PLCB1: variants seen among roughly 807,000 people sequenced by gnomAD.
PLCB1 encodes 1-phosphatidylinositol 4,5-bisphosphate phosphodiesterase beta-1.
Under a neutral mutation model 161.8 loss-of-function variants are expected in PLCB1, and 46 were observed. The ratio of observed to expected loss-of-function variants is 0.28; its 90% CI spans 0.22 to 0.36. PLCB1 has a LOEUF of 0.36. Ranked by LOEUF, PLCB1 falls within the 10% of genes least tolerant of loss-of-function variation. The pLI is 1.00. For synonymous variants in PLCB1, 517 were observed against 503.7 expected, an observed-to-expected ratio of 1.03 and a Z score of -0.35; for missense variants, 1,016 against 1,472.5, an observed-to-expected ratio of 0.69 and a Z score of 5.07.
At chr20:8,404,303 T>C (rs1481734877) in intron 3 of PLCB1, among the ~76,000 whole-genome samples, 1 of 152,202 alleles carries the variant, frequency 6.6e-6, no homozygotes, top group African/African-American at 2.4e-5. Flanking sequence ...AGTTTCCTAT[T>C]GTGTAGAAAA....
At chr20:8,357,920 G>GTAA (rs3031933) in intron 2 of PLCB1, among the ~76,000 whole-genome samples, 32,896 of 152,008 alleles carry the variant, frequency 0.22, 3,890 homozygotes, top group South Asian at 0.43. Context: ...CCTTGACAAG[G>GTAA]TAAAGTTCAT....
intron 2 of PLCB1, among the ~76,000 whole-genome samples, chr20:8,326,339 C>T (rs1985151591): frequency 6.6e-6 from 1 of 151,990 alleles, no homozygotes; most frequent in African/African-American, 2.4e-5. Context: ...GAGTGTTCAC[C>T]CATGTCCTGA....
chr20:8,761,707 G>A (rs1289778520), intron 25 of PLCB1, among the ~76,000 whole-genome samples: 5 of 150,202 alleles, frequency 3.3e-5, no homozygotes, highest in African/African-American at 9.7e-5. Flanking sequence ...TAGTAGAGAC[G>A]GTGATTCTCC....
intron 3 of PLCB1, among the ~76,000 whole-genome samples, chr20:8,374,102 C>G (rs1369802501): frequency 6.6e-6 from 1 of 151,990 alleles, no homozygotes; most frequent in Non-Finnish European, 1.5e-5. Flanking sequence ...TGTCCCCACC[C>G]AAAATCTCAT....
intron 2 of PLCB1, among the ~76,000 whole-genome samples, chr20:8,203,077 G>T (rs1382444483): frequency 6.8e-6 from 1 of 146,800 alleles, no homozygotes; most frequent in Non-Finnish European, 1.5e-5. Context: ...AGTCATTCTG[G>T]GTTGTATGCA....
rs869194352 is a variant in PLCB1, at chr20:8,276,986, C to CTTCTTCTTATTA, written c.178-94394_178-94393insCTTCTTATTATT. Among the ~76,000 whole-genome samples the CTTCTTCTTATTA allele has an allele frequency of 3.1e-3, 292 of 93,298 alleles. 1 individual carries two copies. The highest frequency in any genetic ancestry group is 0.01 in the East Asian group (30 of 2,884). 61.2% of individuals were successfully genotyped at this position (93,298 alleles called of 152,430 possible). Reference sequence around the variant, plus strand: ...TCTTCTTCTTCTTCTTCTTCTTCTTCTTATTATTATTATTATTATTATTAT... The same window carrying CTTCTTCTTATTA: ...TCTTCTTCTTCTTCTTCTTCTTCTTCTTCTTCTTATTATTATTATTATTATTATTATTATTAT... On this transcript the variant is annotated intron_variant, in intron 2 of 31. Coordinates refer to ENST00000338037, the MANE Select transcript of PLCB1 (RefSeq NM_015192.4).
chr20:8,721,261 G>T (rs533858290), intron 14 of PLCB1, among the ~76,000 whole-genome samples: 1 of 152,220 alleles, frequency 6.6e-6, no homozygotes, highest in Non-Finnish European at 1.5e-5. Flanking sequence ...CTGGCAGTGG[G>T]CAGGGGTGCA....
intron 7 of PLCB1, among the ~76,000 whole-genome samples, chr20:8,654,322 CA>C (rs1989394895): frequency 1.3e-5 from 2 of 151,926 alleles, no homozygotes; most frequent in Admixed American, 6.6e-5. Flanking sequence ...TCAAAAAGGC[CA>C]AACAACAACA....
chr20:8,798,511 T>C (rs907324729), intron 31 of PLCB1, among the ~76,000 whole-genome samples: 2 of 152,128 alleles, frequency 1.3e-5, no homozygotes, highest in Non-Finnish European at 2.9e-5. Flanking sequence ...ACAAGTAGGC[T>C]TGGTGACTAG....
chr20:8,483,765 A>G (rs74879477), intron 3 of PLCB1, among the ~76,000 whole-genome samples: 5 of 152,352 alleles, frequency 3.3e-5, no homozygotes, highest in African/African-American at 1.2e-4. Flanking sequence ...AATGAAGACT[A>G]GTATCCTGTT....
intron 31 of PLCB1, chr20:8,880,778 A>G (rs1987942029): frequency 6.6e-6 from 1 of 152,180 alleles, no homozygotes; most frequent in African/African-American, 2.4e-5. Flanking sequence ...CCTAAATGTA[A>G]GAACCTCAGA....
At chr20:8,152,201 A>C (rs1018931182) in intron 2 of PLCB1, among the ~76,000 whole-genome samples, 1 of 152,166 alleles carries the variant, frequency 6.6e-6, no homozygotes, top group African/African-American at 2.4e-5. Context: ...CACTTTCTAA[A>C]TGCCAAAGTC....
chr20:8,615,054 G>T (rs1394066020), intron 3 of PLCB1, among the ~76,000 whole-genome samples: 1 of 152,026 alleles, frequency 6.6e-6, no homozygotes, highest in Non-Finnish European at 1.5e-5. Context: ...GTATTTCCTT[G>T]CAGTCTTTGT....
intron 31 of PLCB1, among the ~76,000 whole-genome samples, chr20:8,808,623 T>A (rs376048390): frequency 3.3e-5 from 5 of 152,336 alleles, no homozygotes; most frequent in African/African-American, 9.6e-5. Context: ...ACCTAGCATC[T>A]GGTGATTTTA....
intron 2 of PLCB1, among the ~76,000 whole-genome samples, chr20:8,367,006 G>T (rs953803719): frequency 3.9e-5 from 6 of 152,274 alleles, no homozygotes; most frequent in African/African-American, 1.4e-4. Flanking sequence ...GATTTCAATT[G>T]TTGCTTGAGT....
At chr20:8,419,640 T>A (rs1275483925) in intron 3 of PLCB1, among the ~76,000 whole-genome samples, 1 of 151,328 alleles carries the variant, frequency 6.6e-6, no homozygotes, top group Non-Finnish European at 1.5e-5. Context: ...TGGGCCAGAC[T>A]AAGATACGAT....
intron 1 of PLCB1, chr20:8,141,832 C>T (rs901277658): frequency 3.9e-5 from 6 of 152,172 alleles, no homozygotes; most frequent in African/African-American, 1.4e-4. Flanking sequence ...TTCTTCTCGA[C>T]ATACGTGTAA....
intron 26 of PLCB1, 64 bp from the exon 27 acceptor site, chr20:8,774,475 A>G: frequency 6.9e-7 from 1 of 1,441,402 alleles, no homozygotes; most frequent in South Asian, 1.4e-5. Context: ...ATTCTGGTGA[A>G]TAACCTTCCC....
At chr20:8,258,478 T>C (rs958856047) in intron 2 of PLCB1, among the ~76,000 whole-genome samples, 2 of 152,130 alleles carry the variant, frequency 1.3e-5, no homozygotes, top group African/African-American at 2.4e-5. Context: ...GCTTAGATGA[T>C]AGAAAAACGT....
Sources: allele counts gnomAD v4.1 joint callset (sites outside exome capture counted in the v4.1 genomes callset), GRCh38; gene constraint gnomAD v4.1.1; transcripts MANE v1.5; gene names NCBI Gene and HGNC (gene_info 2026-07-23, HGNC 2026-07-21).